RELN: variants seen among roughly 807,000 people sequenced by gnomAD.
RELN encodes the protein reelin.
Under a neutral mutation model 427.6 loss-of-function variants are expected in RELN, and 108 were observed. The observed-to-expected ratio is 0.25, with a 90% CI of 0.22 to 0.30. The LOEUF (loss-of-function observed/expected upper bound fraction) is 0.30, where lower values mean the gene tolerates loss of function less well. Ranked by LOEUF, RELN falls within the 10% of genes least tolerant of loss-of-function variation. RELN has a pLI of 1.00. For synonymous variants in RELN, 1,524 were observed against 1,513.4 expected (o/e 1.01, Z -0.16); for missense variants, 3,715 against 4,302.8 (o/e 0.86, Z 3.82).
In RELN at chr7:103,498,172, A is replaced by G; in HGVS notation, c.8748T>C (p.Thr2916=). 1 of 1,614,050 alleles carries G rather than the reference A, an allele frequency of 6.2e-7. No individual in the cohort carries two copies. The highest frequency in any genetic ancestry group is 8.5e-7 in the Non-Finnish European group (1 of 1,179,886). The part of the protein sequence containing the change: ...WMSLEGGSTC[T]ECGILAEDTA... ...TGTCCTCGGCAAGAATTCCACACTC[A>G]GTGCAAGTACTTCCACCTTCTAAGG... Residue 2916 remains threonine, a synonymous_variant, in exon 54 of 65, where the codon ACT becomes ACC. Transcript: ENST00000428762.
intron 1 of RELN, among the ~76,000 whole-genome samples, chr7:103,972,373 T>A (rs1028596383): frequency 6.6e-6 from 1 of 152,208 alleles, no homozygotes; most frequent in Non-Finnish European, 1.5e-5. Context: ...ACTAGTTTCC[T>A]CCCTTGCGCT....
At chr7:103,659,485 A>T (rs951592584) in intron 12 of RELN, among the ~76,000 whole-genome samples, 5 of 152,130 alleles carry the variant, frequency 3.3e-5, no homozygotes, top group Non-Finnish European at 7.4e-5. Flanking sequence ...CCAGCCCCAA[A>T]CATATGACAT....
chr7:103,737,784 A>C (rs1193257340), intron 6 of RELN, among the ~76,000 whole-genome samples: 1 of 152,194 alleles, frequency 6.6e-6, no homozygotes, highest in East Asian at 1.9e-4. Context: ...ATTGTCATTT[A>C]CATATGAAAA....
intron 40 of RELN, among the ~76,000 whole-genome samples, chr7:103,551,808 T>G (rs1353716207): frequency 6.6e-6 from 1 of 152,150 alleles, no homozygotes; most frequent in East Asian, 1.9e-4. Flanking sequence ...GGAAAGATTT[T>G]TTTAAACTTA....
chr7:103,647,521 C>A, intron 16 of RELN, among the ~76,000 whole-genome samples: 1 of 143,184 alleles, frequency 7.0e-6, no homozygotes, highest in Admixed American at 7.0e-5. Flanking sequence ...ACAAGAGAAA[C>A]TATGAAACAC....
At chr7:103,542,420 A>G (rs1830194285) in intron 43 of RELN, among the ~76,000 whole-genome samples, 1 of 152,236 alleles carries the variant, frequency 6.6e-6, no homozygotes, top group African/African-American at 2.4e-5. Context: ...AAGAAGACAC[A>G]ATATTTTATT....
At chr7:103,633,192 T>C (rs962782596) in intron 19 of RELN, among the ~76,000 whole-genome samples, 4 of 152,114 alleles carry the variant, frequency 2.6e-5, no homozygotes, top group African/African-American at 9.7e-5. Flanking sequence ...ATGTCTAATT[T>C]ATGAATCACA....
At chr7:103,908,706 C>G (rs1464279116) in intron 2 of RELN, among the ~76,000 whole-genome samples, 1 of 151,996 alleles carries the variant, frequency 6.6e-6, no homozygotes, top group Non-Finnish European at 1.5e-5. Flanking sequence ...GGGAAATATC[C>G]CTGAATTATT....
rs375141725 is a variant in RELN at position 103,728,146 on chromosome 7, C to T, written c.718G>A (p.Val240Ile). ...GGGCCATATGGTTCACAGAAGGTGACGGCATTGCCATGCATAATCGCGCCA... is the reference window on the plus strand; with the variant it reads ...GGGCCATATGGTTCACAGAAGGTGATGGCATTGCCATGCATAATCGCGCCA... Reference protein sequence around the residue: ...QCGAIMHGNAVTFCEPYGPRE... With the variant: ...QCGAIMHGNAITFCEPYGPRE... The change falls in exon 7 of 65, where the codon GTC becomes ATC. Residue 240 changes from valine (V) to isoleucine (I), a missense_variant. By Grantham distance (29) the Val-to-Ile change is conservative. Coordinates refer to ENST00000428762, the MANE Select transcript of RELN (RefSeq NM_005045.4). 6.4e-5 allele frequency: 104 copies of T among 1,613,694 alleles called. No individual in the cohort carries two copies. The highest frequency in any genetic ancestry group is 8.3e-5 in the Admixed American group (5 of 59,896).
chr7:103,790,230 T>G (rs1036496676), intron 3 of RELN, among the ~76,000 whole-genome samples: 3 of 152,072 alleles, frequency 2.0e-5, no homozygotes, highest in Non-Finnish European at 4.4e-5. Flanking sequence ...AAATACCTAA[T>G]GTAGATGATG....
chr7:103,989,373 C>CCGT lies in RELN; in HGVS notation c.-18_-17insACG. 1.4e-6 allele frequency: 2 copies of CCGT among 1,425,658 alleles called. No homozygotes were observed. The highest frequency in any genetic ancestry group is 1.8e-6 in the Non-Finnish European group (2 of 1,093,040). 88.3% of individuals were successfully genotyped at this position (1,425,658 alleles called of 1,614,324 possible). A position where few individuals can be genotyped will look rare whatever the true frequency, so the allele number is the denominator to read the frequency against. ...GCGCTCCATGCCGCCGCCGCCGCCG[C>CCGT]CGCCGCCGCGCGCCCTACGCGCCGC... On this transcript the variant is annotated 5_prime_UTR_variant, in exon 1 of 65. Transcript: ENST00000428762. This position sits in a 1 kb window ranked among gnomAD's most constrained non-coding sequence, Gnocchi z 4.9.
At position 103,682,103 on chromosome 7, in the gene RELN, A is replaced by G. The variant is rs766810282; in HGVS notation, c.1289+13T>C. The G allele has an allele frequency of 1.1e-5, 17 of 1,612,630 alleles. No individual in the cohort carries two copies. Among genetic ancestry groups the G allele is most frequent in the Non-Finnish European group, 1.2e-5 (14 of 1,178,688 alleles). ...GTGCTACATACACAGCATGGGAGAT[A>G]GCAATTACTTACCCTGTAGGCTGGC... On this transcript the variant is annotated intron_variant, in intron 11 of 64. Transcript: ENST00000428762.
At chr7:103,790,030 T>C (rs1216505131) in intron 3 of RELN, among the ~76,000 whole-genome samples, 1 of 152,220 alleles carries the variant, frequency 6.6e-6, no homozygotes, top group Admixed American at 6.5e-5. Context: ...TCATGTCCTT[T>C]GCAGGGACAT....
At chr7:103,726,635 AT>A in intron 7 of RELN, among the ~76,000 whole-genome samples, 1 of 152,196 alleles carries the variant, frequency 6.6e-6, no homozygotes, top group Middle Eastern at 3.4e-3. Context: ...ATTCTTAGAT[AT>A]TTTTATTTCC....
intron 6 of RELN, among the ~76,000 whole-genome samples, chr7:103,744,878 C>G (rs865992532): frequency 6.6e-6 from 1 of 151,964 alleles, no homozygotes; most frequent in Non-Finnish European, 1.5e-5. Context: ...CTATTCCAAT[C>G]AATAGAAAAA....
At chr7:103,965,426 G>A (rs1796641613) in intron 1 of RELN, among the ~76,000 whole-genome samples, 1 of 152,098 alleles carries the variant, frequency 6.6e-6, no homozygotes, top group Non-Finnish European at 1.5e-5. Context: ...ACATTATAGA[G>A]TGGCCTTTTA....
intron 11 of RELN, among the ~76,000 whole-genome samples, chr7:103,665,555 A>T (rs1002193413): frequency 6.6e-6 from 1 of 152,150 alleles, no homozygotes; most frequent in Non-Finnish European, 1.5e-5. Flanking sequence ...TCTCGACAAG[A>T]ATCCGATGTC....
intron 11 of RELN, among the ~76,000 whole-genome samples, chr7:103,677,157 C>G (rs953896928): frequency 2.7e-5 from 4 of 150,322 alleles, no homozygotes; most frequent in Non-Finnish European, 4.4e-5. Context: ...CAAACTATCA[C>G]AAGATCAGAA....
intron 46 of RELN, among the ~76,000 whole-genome samples, chr7:103,526,572 T>C (rs941908213): frequency 6.6e-6 from 1 of 152,300 alleles, no homozygotes; most frequent in South Asian, 2.1e-4. Flanking sequence ...TACTATCCAA[T>C]ATTAATTTGT....
Sources: allele counts gnomAD v4.1 joint callset (sites outside exome capture counted in the v4.1 genomes callset), GRCh38; gene constraint gnomAD v4.1.1; non-coding constraint Gnocchi (gnomAD v3.1); transcripts MANE v1.5; gene names NCBI Gene and HGNC (gene_info 2026-07-23, HGNC 2026-07-21).